The following KCNH7 variants were observed in gnomAD, a reference collection of about 807,000 sequenced individuals.
KCNH7 encodes potassium voltage-gated channel subfamily H member 7.
In KCNH7, 49 loss-of-function variants were observed where a neutral mutation model predicts 120.8. The ratio of observed to expected loss-of-function variants is 0.41; its 90% confidence interval spans 0.32 to 0.51. KCNH7 has a LOEUF of 0.51. Ranked by LOEUF, KCNH7 falls within the 20% of genes least tolerant of loss-of-function variation. The pLI, the probability that KCNH7 is intolerant of heterozygous loss-of-function variation, is 0.38. For missense variants in KCNH7, 1,097 were observed against 1,446.6 expected (o/e 0.76, Z 3.92); for synonymous variants, 547 against 516.1 (o/e 1.06, Z -0.81).
At position 162,394,447 on chromosome 2, in the gene KCNH7, T is replaced by C. The variant is rs1375550142; in HGVS notation, c.2652A>G (p.Glu884=). The C allele has an allele frequency of 6.2e-7, 1 of 1,606,868 alleles. No individual in the cohort carries two copies. The highest frequency in any genetic ancestry group is 1.3e-5 in the African/African-American group (1 of 74,640). Residue 884 remains glutamate, a synonymous_variant, in exon 12 of 16, where the codon GAA becomes GAG. Coordinates refer to ENST00000332142, the MANE Select transcript of KCNH7 (RefSeq NM_033272.4). Reference sequence around the variant, plus strand: ...TTCTTCTTAGTTTACAGTTGTCTCCTTCTGAATCATTCATGGATTGTGATC... The same window carrying C: ...TTCTTCTTAGTTTACAGTTGTCTCCCTCTGAATCATTCATGGATTGTGATC... ...LLRSQSMNDS[E]GDNCKLRRRK...
chr2:162,652,015 T>C (rs1219825751), intron 2 of KCNH7, among the ~76,000 whole-genome samples: 2 of 152,232 alleles, frequency 1.3e-5, no homozygotes, highest in East Asian at 1.9e-4. Context: ...TTGAGAAGTC[T>C]GTTCATGATC....
At chr2:162,373,805 C>A (rs549795825) in intron 14 of KCNH7, 143 bp from the exon 15 acceptor site, 10 of 463,688 alleles carry the variant, frequency 2.2e-5, no homozygotes, top group Admixed American at 1.7e-4. Context: ...CACAGAGATT[C>A]TTTCCTGACG....
intron 2 of KCNH7, among the ~76,000 whole-genome samples, chr2:162,596,666 C>T (rs1694391397): frequency 6.6e-6 from 1 of 151,778 alleles, no homozygotes; most frequent in Admixed American, 6.6e-5. Context: ...TACATAAGAC[C>T]CCAAAAACAC....
At chr2:162,484,996 T>C (rs1690048674) in intron 6 of KCNH7, among the ~76,000 whole-genome samples, 1 of 152,170 alleles carries the variant, frequency 6.6e-6, no homozygotes, top group Non-Finnish European at 1.5e-5. Context: ...CAGGTATTCC[T>C]TTAGAGCCAC....
chr2:162,648,400 C>T (rs1037948542), intron 2 of KCNH7, among the ~76,000 whole-genome samples: 3 of 152,164 alleles, frequency 2.0e-5, no homozygotes, highest in African/African-American at 7.2e-5. Flanking sequence ...AGTCACCTCC[C>T]ACCAGGTCCT....
chr2:162,608,960 T>G (rs1682870749), intron 2 of KCNH7, among the ~76,000 whole-genome samples: 1 of 152,204 alleles, frequency 6.6e-6, no homozygotes, highest in African/African-American at 2.4e-5. Flanking sequence ...CTATTCCCTT[T>G]GAATAACACT....
intron 2 of KCNH7, among the ~76,000 whole-genome samples, chr2:162,738,622 T>G (rs542019294): frequency 6.6e-6 from 1 of 152,292 alleles, no homozygotes; most frequent in Non-Finnish European, 1.5e-5. Context: ...TAGAGCACAT[T>G]GGACAAAAGC....
At chr2:162,775,577 G>C (rs1431529676) in intron 2 of KCNH7, among the ~76,000 whole-genome samples, 2 of 152,090 alleles carry the variant, frequency 1.3e-5, no homozygotes, top group East Asian at 3.9e-4. Flanking sequence ...AGAATGTAGA[G>C]CTATATAACC....
chr2:162,528,110 G>A (rs994441558), intron 3 of KCNH7: 17 of 151,738 alleles, frequency 1.1e-4, no homozygotes, highest in Non-Finnish European at 2.2e-4. Context: ...CATTCAGTAG[G>A]AAAAAAGTAG....
In KCNH7 at chr2:162,574,826, C is replaced by T. The variant is rs146430446; in HGVS notation, c.308-37746G>A. ...AAGGTTGCCTTTGGAGATTCAGTTG[C>T]ACATTCTTTCCTCTACACAGTATTA... On this transcript the variant is annotated intron_variant, in intron 2 of 15. Coordinates refer to ENST00000332142, the MANE Select transcript of KCNH7 (RefSeq NM_033272.4). Among the ~76,000 whole-genome samples, 884 of 152,188 alleles carry T rather than the reference C, an allele frequency of 5.8e-3. 12 individuals carry two copies. Among genetic ancestry groups the T allele is most frequent in the African/African-American group, 0.02 (827 of 41,552 alleles).
chr2:162,774,587 C>T (rs1272235552), intron 2 of KCNH7, among the ~76,000 whole-genome samples: 1 of 152,138 alleles, frequency 6.6e-6, no homozygotes, highest in Admixed American at 6.5e-5. Context: ...CCAAGATGAA[C>T]TGGCATGTGG....
chr2:162,372,301 CT>C (rs1182263713), intron 15 of KCNH7, among the ~76,000 whole-genome samples: 2 of 152,004 alleles, frequency 1.3e-5, no homozygotes, highest in African/African-American at 4.8e-5. Flanking sequence ...ATTCCAAGAA[CT>C]TTTATTTAAC....
chr2:162,708,962 T>C (rs1285124426), intron 2 of KCNH7, among the ~76,000 whole-genome samples: 5 of 152,092 alleles, frequency 3.3e-5, no homozygotes, highest in Admixed American at 6.6e-5. Flanking sequence ...ATTGCTCTTA[T>C]CTTGTTAGTG....
intron 6 of KCNH7, 64 bp from the exon 7 acceptor site, chr2:162,446,507 C>G: frequency 8.2e-7 from 1 of 1,224,048 alleles, no homozygotes; most frequent in East Asian, 2.5e-5. Context: ...GTAAACCTAT[C>G]AAATATTAAG....
intron 13 of KCNH7, 115 bp from the exon 14 acceptor site, chr2:162,380,136 G>T: frequency 8.1e-7 from 1 of 1,238,826 alleles, no homozygotes; most frequent in Non-Finnish European, 1.1e-6. Context: ...GAGAGACAGA[G>T]AACCAAAAGT....
At chr2:162,606,980 T>A (rs1039129939) in intron 2 of KCNH7, among the ~76,000 whole-genome samples, 1 of 152,092 alleles carries the variant, frequency 6.6e-6, no homozygotes, top group Non-Finnish European at 1.5e-5. Context: ...ACTAAAATTG[T>A]TTTTTGAGCA....
chr2:162,712,147 A>G (rs1418208029), intron 2 of KCNH7, among the ~76,000 whole-genome samples: 2 of 152,178 alleles, frequency 1.3e-5, no homozygotes, highest in African/African-American at 4.8e-5. Context: ...TTTTCCTCTC[A>G]TATTTTTAGC....
At chr2:162,542,750 C>T (rs1200789876) in intron 2 of KCNH7, among the ~76,000 whole-genome samples, 1 of 151,936 alleles carries the variant, frequency 6.6e-6, no homozygotes, top group South Asian at 2.1e-4. Flanking sequence ...ACTTATAGTC[C>T]TTTGGGTATA....
chr2:162,415,445 G>C (rs1371129159), intron 9 of KCNH7, among the ~76,000 whole-genome samples: 1 of 152,116 alleles, frequency 6.6e-6, no homozygotes, highest in Non-Finnish European at 1.5e-5. Flanking sequence ...GTTGCAAGGT[G>C]ATGTTATATT....
Sources: gnomAD v4.1 joint callset for allele counts (sites outside exome capture counted in the v4.1 genomes callset) on GRCh38, gnomAD v4.1.1 for gene constraint, MANE v1.5 for transcripts, NCBI Gene and HGNC (gene_info 2026-07-23, HGNC 2026-07-21) for gene names.